AGBL4: variants seen among roughly 807,000 people sequenced by gnomAD.
AGBL4 encodes AGBL carboxypeptidase 4.
AGBL4 carries 58 observed loss-of-function variants against 66.4 expected under a neutral mutation model. That is an observed-to-expected ratio of 0.87 (90% CI 0.71 to 1.09). The LOEUF is 1.09. Among genes scored for constraint, AGBL4 ranks in the 50% least tolerant of loss-of-function variants. The pLI is 0.00. For missense variants in AGBL4, 579 were observed against 631.0 expected, an observed-to-expected ratio of 0.92 and a Z score of 0.88; for synonymous variants, 234 against 222.9, an observed-to-expected ratio of 1.05 and a Z score of -0.44.
intron 3 of AGBL4, among the ~76,000 whole-genome samples, chr1:49,277,327 AG>A (rs1363624457): frequency 1.3e-5 from 2 of 152,190 alleles, no homozygotes; most frequent in South Asian, 2.1e-4. Flanking sequence ...TGAGGAAAAG[AG>A]CATTTCCTGT....
chr1:48,718,858 A>G (rs554334087), intron 6 of AGBL4, among the ~76,000 whole-genome samples: 3 of 152,230 alleles, frequency 2.0e-5, no homozygotes, highest in Non-Finnish European at 4.4e-5. Context: ...CTAAGTGCTC[A>G]TGCTCCCTGC....
At chr1:48,979,429 T>C (rs561693117) in intron 5 of AGBL4, among the ~76,000 whole-genome samples, 28 of 152,236 alleles carry the variant, frequency 1.8e-4, no homozygotes, top group African/African-American at 6.0e-4. Flanking sequence ...TTCCAGTCTA[T>C]TGGGGAGATA....
At chr1:48,929,306 C>T (rs953854807) in intron 5 of AGBL4, among the ~76,000 whole-genome samples, 3 of 152,130 alleles carry the variant, frequency 2.0e-5, no homozygotes, top group Non-Finnish European at 4.4e-5. Context: ...TCTCATCCTC[C>T]CCTCAATATC....
intron 5 of AGBL4, among the ~76,000 whole-genome samples, chr1:48,967,903 T>C (rs146126346): frequency 6.6e-6 from 1 of 152,266 alleles, no homozygotes; most frequent in African/African-American, 2.4e-5. Context: ...GTTACTAATT[T>C]ATAATCAGGG....
At chr1:49,159,779 C>G (rs1295938883) in intron 4 of AGBL4, among the ~76,000 whole-genome samples, 1 of 152,106 alleles carries the variant, frequency 6.6e-6, no homozygotes, top group East Asian at 1.9e-4. Flanking sequence ...TCTTTATTCT[C>G]TAATCTTGTC....
intron 2 of AGBL4, among the ~76,000 whole-genome samples, chr1:49,833,168 G>C (rs1201577494): frequency 1.3e-5 from 2 of 152,152 alleles, no homozygotes; most frequent in Non-Finnish European, 2.9e-5. Context: ...ATTAATTTTT[G>C]TATAAGGTGT....
At chr1:49,448,732 A>G (rs946394726) in intron 3 of AGBL4, among the ~76,000 whole-genome samples, 1 of 152,200 alleles carries the variant, frequency 6.6e-6, no homozygotes, top group African/African-American at 2.4e-5. Context: ...AATGGTATCT[A>G]TGGTGAAGAT....
intron 4 of AGBL4, among the ~76,000 whole-genome samples, chr1:49,086,778 G>A (rs1227290957): frequency 2.0e-5 from 3 of 151,980 alleles, no homozygotes; most frequent in East Asian, 1.9e-4. Context: ...GCACATCCCC[G>A]TATTCCCCCA....
intron 2 of AGBL4, among the ~76,000 whole-genome samples, chr1:49,815,736 T>A (rs994219946): frequency 6.6e-6 from 1 of 152,200 alleles, no homozygotes; most frequent in Admixed American, 6.5e-5. Context: ...TATTTCATTA[T>A]AGTTTTGCTT....
At chr1:49,117,187 G>A (rs1645543754) in intron 4 of AGBL4, among the ~76,000 whole-genome samples, 2 of 152,036 alleles carry the variant, frequency 1.3e-5, no homozygotes, top group South Asian at 4.1e-4. Context: ...CACTCTGATG[G>A]AAGTTTCTCT....
At chr1:49,386,510 CT>C (rs1467243388) in intron 3 of AGBL4, among the ~76,000 whole-genome samples, 3 of 151,792 alleles carry the variant, frequency 2.0e-5, no homozygotes, top group African/African-American at 7.2e-5. Flanking sequence ...AAGGAGAATA[CT>C]AGAAAGAAAT....
intron 9 of AGBL4, among the ~76,000 whole-genome samples, chr1:48,632,043 C>A (rs1443035684): frequency 2.6e-5 from 4 of 151,902 alleles, no homozygotes; most frequent in Non-Finnish European, 5.9e-5. Context: ...AACCTCAGTG[C>A]ACATAGAAAG....
chr1:49,855,962 G>A (rs1646421543), intron 1 of AGBL4, among the ~76,000 whole-genome samples: 1 of 151,874 alleles, frequency 6.6e-6, no homozygotes, highest in Non-Finnish European at 1.5e-5. Flanking sequence ...TTAAAAGGTG[G>A]TTTTTTGAAA....
At chr1:49,545,723 T>C (rs777403932) in intron 3 of AGBL4, among the ~76,000 whole-genome samples, 2 of 152,184 alleles carry the variant, frequency 1.3e-5, no homozygotes, top group Non-Finnish European at 2.9e-5. Flanking sequence ...CAATAAACAT[T>C]CCTTAAATGA....
intron 3 of AGBL4, among the ~76,000 whole-genome samples, chr1:49,592,839 A>G (rs548359826): frequency 2.6e-5 from 4 of 152,216 alleles, no homozygotes; most frequent in East Asian, 1.9e-4. Flanking sequence ...AGATTTCTCA[A>G]GTAACTCAAA....
chr1:49,581,855 T>C (rs1377433046), intron 3 of AGBL4, among the ~76,000 whole-genome samples: 2 of 152,144 alleles, frequency 1.3e-5, no homozygotes, highest in Non-Finnish European at 2.9e-5. Context: ...AGTAGTGCTA[T>C]ACGAGGCAAG....
chr1:48,846,401 G>C (rs187786352), intron 6 of AGBL4, among the ~76,000 whole-genome samples: 39 of 150,798 alleles, frequency 2.6e-4, no homozygotes, highest in African/African-American at 9.5e-4. Context: ...AAGAAAGAAA[G>C]AAAGAAAGAA....
intron 9 of AGBL4, among the ~76,000 whole-genome samples, chr1:48,594,493 T>C (rs889919219): frequency 2.0e-5 from 3 of 152,248 alleles, no homozygotes; most frequent in Admixed American, 6.5e-5. Context: ...TTATGTGTAA[T>C]ATAAAGATAC....
chr1:49,256,984 T>C (rs1652560185), intron 3 of AGBL4, among the ~76,000 whole-genome samples: 1 of 149,382 alleles, frequency 6.7e-6, no homozygotes, highest in South Asian at 2.1e-4. Context: ...GATTAGGAAA[T>C]AAAATGCACA....
Sources: allele counts gnomAD v4.1 joint callset (sites outside exome capture counted in the v4.1 genomes callset), GRCh38; gene constraint gnomAD v4.1.1; transcripts MANE v1.5; gene names NCBI Gene and HGNC (gene_info 2026-07-23, HGNC 2026-07-21).